XKR6: variants seen among roughly 807,000 people sequenced by gnomAD.
The protein encoded by XKR6 is XK related 6.
XKR6 carries 22 observed loss-of-function variants against 56.7 expected under a neutral mutation model. That is an observed-to-expected ratio of 0.39 (90% CI 0.28 to 0.55). The LOEUF (loss-of-function observed/expected upper bound fraction) is 0.55. XKR6 is among the 20% of genes least tolerant of loss of function. XKR6 has a pLI of 0.66. For missense variants in XKR6, 852 were observed against 889.0 expected (o/e 0.96, Z 0.53); for synonymous variants, 524 against 387.8 (o/e 1.35, Z -4.13).
At chr8:11,099,691 T>G (rs1251463169) in intron 1 of XKR6, among the ~76,000 whole-genome samples, 3 of 152,230 alleles carry the variant, frequency 2.0e-5, no homozygotes, top group Non-Finnish European at 4.4e-5. Context: ...TTCTAATGTG[T>G]CTCACGCATT....
intron 1 of XKR6, among the ~76,000 whole-genome samples, chr8:10,955,211 T>C (rs1429593720): frequency 6.6e-6 from 1 of 152,142 alleles, no homozygotes; most frequent in Non-Finnish European, 1.5e-5. Context: ...CTTGTGATTA[T>C]GGCAATGCAA....
At chr8:10,990,102 A>G (rs1797954928) in intron 1 of XKR6, among the ~76,000 whole-genome samples, 1 of 152,224 alleles carries the variant, frequency 6.6e-6, no homozygotes, top group South Asian at 2.1e-4. Flanking sequence ...TTGAGACTGC[A>G]GTGTCCCCAC....
intron 1 of XKR6, among the ~76,000 whole-genome samples, chr8:11,096,622 C>A (rs992202333): frequency 2.0e-5 from 3 of 152,218 alleles, no homozygotes; most frequent in Non-Finnish European, 2.9e-5. Context: ...CGATGTTAGT[C>A]AAGCAGCCTT....
At chr8:11,077,250 G>A (rs537581643) in intron 1 of XKR6, among the ~76,000 whole-genome samples, 1 of 152,140 alleles carries the variant, frequency 6.6e-6, no homozygotes, top group Non-Finnish European at 1.5e-5. Context: ...AGTGGCTTTG[G>A]GGTCCAAAGC....
chr8:11,145,403 T>TG (rs1184659264), intron 1 of XKR6, among the ~76,000 whole-genome samples: 1 of 152,070 alleles, frequency 6.6e-6, no homozygotes, highest in Non-Finnish European at 1.5e-5. Context: ...GAACAAAAGA[T>TG]GAAGACATCC....
chr8:11,113,464 A>G (rs997011350), intron 1 of XKR6, among the ~76,000 whole-genome samples: 4 of 152,270 alleles, frequency 2.6e-5, no homozygotes, highest in Non-Finnish European at 5.9e-5. Flanking sequence ...AACATGTAAT[A>G]GCTTAAAGCT....
chr8:11,063,033 G>A, intron 1 of XKR6: 1 of 356,050 alleles, frequency 2.8e-6, no homozygotes. Flanking sequence ...GCCACAAATT[G>A]GCATTTGGAC....
intron 1 of XKR6, among the ~76,000 whole-genome samples, chr8:11,191,220 G>C (rs767843274): frequency 8.5e-5 from 13 of 152,126 alleles, no homozygotes; most frequent in Non-Finnish European, 1.5e-4. Flanking sequence ...AAACCTTAAA[G>C]GTTAGAATTA....
Position 10,992,077 on chromosome 8 carries a change from C to G in XKR6, c.765-67247G>C, listed in dbSNP as rs115889285. ...GCCGTGAGTCCTGCCGCCAGGCCTC[C>G]ACAGTCTAAATACCAAGGTCTGCAC... On this transcript the variant is annotated intron_variant, in intron 1 of 2. Coordinates refer to ENST00000416569, the MANE Select transcript of XKR6 (RefSeq NM_173683.4). Among the ~76,000 whole-genome samples, 1,143 of 152,278 alleles carry G rather than the reference C, an allele frequency of 7.5e-3. 12 individuals are homozygous for G. Among genetic ancestry groups the G allele is most frequent in the African/African-American group, 0.027 (1,103 of 41,540 alleles).
At chr8:11,073,358 T>C (rs1489130683) in intron 1 of XKR6, among the ~76,000 whole-genome samples, 1 of 152,126 alleles carries the variant, frequency 6.6e-6, no homozygotes, top group African/African-American at 2.4e-5. Context: ...GGGGTCAGTT[T>C]ATTTCAGAGA....
At chr8:11,082,932 G>A (rs1000143195) in intron 1 of XKR6, among the ~76,000 whole-genome samples, 5 of 152,204 alleles carry the variant, frequency 3.3e-5, no homozygotes, top group East Asian at 1.9e-4. Context: ...TTTATTTCTC[G>A]TCTTTATAGC....
intron 1 of XKR6, among the ~76,000 whole-genome samples, chr8:11,158,254 A>T (rs1801623963): frequency 6.6e-6 from 1 of 152,202 alleles, no homozygotes; most frequent in Admixed American, 6.5e-5. Flanking sequence ...GAGCGAGATT[A>T]TTATGGAAGG....
chr8:10,910,135 G>A (rs1472633582), intron 2 of XKR6, among the ~76,000 whole-genome samples: 1 of 152,104 alleles, frequency 6.6e-6, no homozygotes, highest in Non-Finnish European at 1.5e-5. Context: ...GGGTGCAGGT[G>A]CTGCTGGCAT....
chr8:11,178,007 C>T (rs966368013), intron 1 of XKR6, among the ~76,000 whole-genome samples: 20 of 152,262 alleles, frequency 1.3e-4, no homozygotes, highest in Non-Finnish European at 2.8e-4. Flanking sequence ...CGGATCCCAT[C>T]GCACCTGGTT....
intron 1 of XKR6, among the ~76,000 whole-genome samples, chr8:11,149,759 G>GGAAAAGAAATCGGCACATC (rs1364056668): frequency 6.6e-6 from 1 of 152,064 alleles, no homozygotes; most frequent in Non-Finnish European, 1.5e-5. Context: ...TTTGTCCAAA[G>GGAAAAGAAATCGGCACATC]GAAAAGAAAT....
chr8:11,030,116 C>T lies in XKR6; in HGVS notation c.765-105286G>A, dbSNP rs573650350. Among the ~76,000 whole-genome samples the T allele has an allele frequency of 2.6e-5, 4 of 152,286 alleles. 1 individual carries two copies. The South Asian group carries it at 8.3e-4, about 32-fold the overall frequency. On this transcript the variant is annotated intron_variant, in intron 1 of 2. Coordinates refer to ENST00000416569, the MANE Select transcript of XKR6 (RefSeq NM_173683.4). ...GTCTCACCCCTAGCTGCAGCTGTCC[C>T]AGCTCACTCTGCACAGATCCCTGCT...
At chr8:11,077,595 T>A (rs1243485959) in intron 1 of XKR6, among the ~76,000 whole-genome samples, 7 of 152,068 alleles carry the variant, frequency 4.6e-5, no homozygotes, top group Non-Finnish European at 1.0e-4. Context: ...CAGGAGGAGG[T>A]GACCCTCGAG....
At chr8:11,064,957 A>G (rs1323056343) in intron 1 of XKR6, among the ~76,000 whole-genome samples, 1 of 152,156 alleles carries the variant, frequency 6.6e-6, no homozygotes, top group African/African-American at 2.4e-5. Context: ...ACTTGTCTAT[A>G]CTCTTTGTTA....
At chr8:11,149,356 GA>G (rs1434520314) in intron 1 of XKR6, among the ~76,000 whole-genome samples, 1 of 151,964 alleles carries the variant, frequency 6.6e-6, no homozygotes, top group Non-Finnish European at 1.5e-5. Flanking sequence ...ACTACACATA[GA>G]AAAAAAGTAC....
Sources: gnomAD v4.1 joint callset for allele counts (sites outside exome capture counted in the v4.1 genomes callset) on GRCh38, gnomAD v4.1.1 for gene constraint, MANE v1.5 for transcripts, NCBI Gene and HGNC (gene_info 2026-07-23, HGNC 2026-07-21) for gene names.